The following TENT4B variants were observed in gnomAD, a reference collection of about 807,000 sequenced individuals.
The protein encoded by TENT4B is terminal nucleotidyltransferase 4B, also known as PAP associated domain containing 5.
In TENT4B, 10 loss-of-function variants were observed where a neutral mutation model predicts 75.0. The observed-to-expected ratio is 0.13, with a 90% confidence interval of 0.08 to 0.23. The LOEUF is 0.23. Ranked by LOEUF, TENT4B falls within the 10% of genes least tolerant of loss-of-function variation. The pLI is 1.00. For synonymous variants in TENT4B, 350 were observed against 357.7 expected, an observed-to-expected ratio of 0.98 and a Z score of 0.24; for missense variants, 579 against 893.8, an observed-to-expected ratio of 0.65 and a Z score of 4.49.
Position 50,233,572 on chromosome 16 carries a change from G to GA in TENT4B, c.*4249dup. 1 of 984,480 alleles carries GA rather than the reference G, an allele frequency of 1.0e-6. No homozygotes were observed. The highest frequency in any genetic ancestry group is 1.2e-6 in the Non-Finnish European group (1 of 829,234). 61.0% of individuals were successfully genotyped at this position (984,480 alleles called of 1,614,324 possible). A position where few individuals can be genotyped will look rare whatever the true frequency, so the allele number is the denominator to read the frequency against. ...TGAATGTTGACAAAATTATTAACCA[G>GA]AAAAATTGCTTATAAAGGCTGCTGA... is the stretch of plus-strand genomic sequence containing the variant. On this transcript the variant is annotated 3_prime_UTR_variant, in exon 12 of 12. Transcript: ENST00000561678.
intron 1 of TENT4B, among the ~76,000 whole-genome samples, chr16:50,198,135 A>AT (rs2030397365): frequency 6.7e-6 from 1 of 150,302 alleles, no homozygotes; most frequent in South Asian, 2.1e-4. Context: ...AAAAAAAAAA[A>AT]GCCGGGCACA....
intron 3 of TENT4B, 109 bp downstream of exon 3, chr16:50,214,376 CT>C: frequency 1.2e-6 from 1 of 847,056 alleles, no homozygotes; most frequent in Non-Finnish European, 1.8e-6. Context: ...CAAAATGGGG[CT>C]GGGCATGGTG....
chr16:50,223,003 T>C (rs547140282), intron 6 of TENT4B, among the ~76,000 whole-genome samples, 171 bp from the exon 7 acceptor site: 42 of 152,332 alleles, frequency 2.8e-4, no homozygotes, highest in Admixed American at 5.2e-4. Context: ...CATGGGACTT[T>C]AGTGTTGTGT....
intron 1 of TENT4B, among the ~76,000 whole-genome samples, chr16:50,156,790 G>A (rs1017210749): frequency 7.9e-5 from 12 of 151,980 alleles, no homozygotes; most frequent in African/African-American, 2.9e-4. Flanking sequence ...GGAGTAGCTG[G>A]GACTACAGGC....
chr16:50,208,464 C>T (rs2031103871), intron 1 of TENT4B, among the ~76,000 whole-genome samples: 1 of 152,134 alleles, frequency 6.6e-6, no homozygotes, highest in Admixed American at 6.5e-5. Context: ...TTTCTTTATG[C>T]TGGTAGTAAC....
At position 50,234,567 on chromosome 16, in the gene TENT4B, TC is replaced by T; in HGVS notation, c.*5242del. The T allele has an allele frequency of 1.0e-6, 1 of 982,230 alleles. No homozygotes were observed. Among genetic ancestry groups the T allele is most frequent in the African/African-American group, 1.7e-5 (1 of 57,300 alleles). 60.8% of individuals were successfully genotyped at this position (982,230 alleles called of 1,614,324 possible). A position where few individuals can be genotyped will look rare whatever the true frequency, so the allele number is the denominator to read the frequency against. On this transcript the variant is annotated 3_prime_UTR_variant, in exon 12 of 12. Transcript: ENST00000561678. ...CAATTTATTATAATATGTTGTTTTGTCCCTGAACTTAATCTCCTAATTTTAA... is the reference window on the plus strand; with the variant it reads ...CAATTTATTATAATATGTTGTTTTGTCCTGAACTTAATCTCCTAATTTTAA...
chr16:50,169,774 C>T (rs780707393), intron 1 of TENT4B, among the ~76,000 whole-genome samples: 5 of 152,146 alleles, frequency 3.3e-5, no homozygotes, highest in Non-Finnish European at 5.9e-5. Flanking sequence ...GATTGGTGCC[C>T]CATGCGTGCA....
upstream of TENT4B, among the ~76,000 whole-genome samples, chr16:50,153,209 GCGGAGCCGGCAGAGGCCCCGCCCC>G (rs2037801881): frequency 8.0e-4 from 109 of 137,042 alleles, no homozygotes; most frequent in Admixed American, 2.2e-3. Context: ...AGCGAGAGGG[GCGGAGCCGGCAGAGGCCCCGCCCC>G]GGGGCCGGAG....
intron 1 of TENT4B, among the ~76,000 whole-genome samples, chr16:50,180,387 G>A (rs2038390431): frequency 6.6e-6 from 1 of 152,166 alleles, no homozygotes; most frequent in Non-Finnish European, 1.5e-5. Flanking sequence ...ACAGGCATGA[G>A]CCACTGTGCC....
At chr16:50,168,793 G>A (rs958383553) in intron 1 of TENT4B, among the ~76,000 whole-genome samples, 4 of 151,592 alleles carry the variant, frequency 2.6e-5, no homozygotes, top group Admixed American at 6.6e-5. Flanking sequence ...TTACAGGCAC[G>A]CACCACCACA....
At chr16:50,214,063 C>T (rs553391534) in intron 2 of TENT4B, among the ~76,000 whole-genome samples, 158 bp from the exon 3 acceptor site, 20 of 152,232 alleles carry the variant, frequency 1.3e-4, no homozygotes, top group African/African-American at 3.1e-4. Context: ...ACAGAATCCC[C>T]GCTTCATGAA....
At chr16:50,174,176 C>T (rs866378149) in intron 1 of TENT4B, among the ~76,000 whole-genome samples, 6 of 152,108 alleles carry the variant, frequency 3.9e-5, no homozygotes, top group Admixed American at 2.6e-4. Flanking sequence ...CAGCTCACTG[C>T]GACCTCTGCT....
chr16:50,189,780 G>A (rs1192816880), intron 1 of TENT4B, among the ~76,000 whole-genome samples: 1 of 151,890 alleles, frequency 6.6e-6, no homozygotes, highest in African/African-American at 2.4e-5. Context: ...GCTGGGTGTG[G>A]TAGCTCACGT....
chr16:50,156,608 G>T (rs1233883779), intron 1 of TENT4B, among the ~76,000 whole-genome samples: 1 of 151,942 alleles, frequency 6.6e-6, no homozygotes, highest in Non-Finnish European at 1.5e-5. Context: ...CCTCCCAAAG[G>T]ACTGGGATTA....
chr16:50,193,539 C>T (rs928669870), intron 1 of TENT4B, among the ~76,000 whole-genome samples: 1 of 151,854 alleles, frequency 6.6e-6, no homozygotes, highest in South Asian at 2.1e-4. Flanking sequence ...GGGATTTCAC[C>T]GTGTTTGCTA....
intron 1 of TENT4B, among the ~76,000 whole-genome samples, chr16:50,199,613 A>G (rs2030506712): frequency 6.6e-6 from 1 of 152,192 alleles, no homozygotes; most frequent in Admixed American, 6.5e-5. Context: ...CACCCTTGGA[A>G]TCATACAGCA....
At position 50,222,444 on chromosome 16, in the gene TENT4B, A is replaced by G. The variant is rs1407436086; in HGVS notation, c.1167+10A>G. On this transcript the variant is annotated intron_variant, in intron 6 of 11. Transcript: ENST00000561678. ...AGTCAGTTTCCTTCAGGTAAGTCATATGGGTATAGCATGCTAGTGCACACT... is the reference window on the plus strand; with the variant it reads ...AGTCAGTTTCCTTCAGGTAAGTCATGTGGGTATAGCATGCTAGTGCACACT... 1 of 1,613,052 alleles carries G rather than the reference A, an allele frequency of 6.2e-7. No homozygotes were observed. The highest frequency in any genetic ancestry group is 1.1e-5 in the South Asian group (1 of 90,984).
rs374941798 is a variant in TENT4B, at chr16:50,214,265, T to G, written c.807T>G (p.Thr269=). Residue 269 remains threonine (T), a splice_region_variant and synonymous_variant, in exon 3 of 12, where the codon ACT becomes ACG. Transcript: ENST00000561678. ...TTAAAACTGGACTTTATTTACCTAC[T>G]AGGTTAGTACACTCATGAATCTTTC... The part of the protein sequence containing the change: ...GSFKTGLYLP[T]SDIDLVVFGK... 4 of 1,586,762 alleles carry G rather than the reference T, an allele frequency of 2.5e-6. No individual in the cohort carries two copies. In the African/African-American group the frequency reaches 5.4e-5, roughly 21 times the overall value.
upstream of TENT4B, chr16:50,153,054 A>G: frequency 6.7e-7 from 1 of 1,485,004 alleles, no homozygotes; most frequent in Non-Finnish European, 8.9e-7. Context: ...CACTCCACAG[A>G]TGGCGCAAGT....
Sources: gnomAD v4.1 joint callset for allele counts (sites outside exome capture counted in the v4.1 genomes callset) on GRCh38, gnomAD v4.1.1 for gene constraint, MANE v1.5 for transcripts, NCBI Gene and HGNC (gene_info 2026-07-23, HGNC 2026-07-21) for gene names.